Variants in DIAPH3 observed in about 807,000 individuals in gnomAD.
The protein encoded by DIAPH3 is protein diaphanous homolog 3.
In DIAPH3, 117 loss-of-function variants were observed where a neutral mutation model predicts 144.3. The ratio of observed to expected loss-of-function variants is 0.81; its 90% CI spans 0.70 to 0.95. The LOEUF (loss-of-function observed/expected upper bound fraction) is 0.95. Ranked by LOEUF, DIAPH3 falls within the 40% of genes least tolerant of loss-of-function variation. DIAPH3 has a pLI of 0.00. For synonymous variants in DIAPH3, 519 were observed against 488.9 expected (o/e 1.06, Z -0.81); for missense variants, 1,421 against 1,412.7 (o/e 1.01, Z -0.09).
intron 5 of DIAPH3, among the ~76,000 whole-genome samples, chr13:60,020,189 G>C (rs547059834): frequency 3.3e-5 from 5 of 152,206 alleles, no homozygotes; most frequent in Admixed American, 6.5e-5. Context: ...TTACATATAA[G>C]AGGTTATAGT....
chr13:59,897,708 A>C (rs1422252054), intron 20 of DIAPH3, among the ~76,000 whole-genome samples: 1 of 151,598 alleles, frequency 6.6e-6, no homozygotes, highest in East Asian at 2.0e-4. Context: ...AGATCACGCC[A>C]TTGCACTCCA....
intron 4 of DIAPH3, among the ~76,000 whole-genome samples, chr13:60,049,406 TC>T (rs1415976764): frequency 1.3e-5 from 2 of 152,162 alleles, no homozygotes; most frequent in Non-Finnish European, 1.5e-5. Flanking sequence ...TATTGAACTG[TC>T]CAACTTGAAC....
chr13:60,024,803 G>A (rs911077768), intron 5 of DIAPH3, among the ~76,000 whole-genome samples: 11 of 152,172 alleles, frequency 7.2e-5, no homozygotes, highest in Non-Finnish European at 1.6e-4. Context: ...ACTGCAAGGT[G>A]GAAACAGAAG....
chr13:59,980,660 T>G, intron 14 of DIAPH3, 135 bp downstream of exon 14: 1 of 770,162 alleles, frequency 1.3e-6, no homozygotes, highest in South Asian at 1.5e-5. Flanking sequence ...GTAGTCCTCC[T>G]TGGTGGAGGG....
chr13:59,676,505 C>T (rs560095588), intron 27 of DIAPH3, among the ~76,000 whole-genome samples: 7 of 152,328 alleles, frequency 4.6e-5, no homozygotes, highest in Middle Eastern at 3.4e-3. Flanking sequence ...GTTTCTTCAA[C>T]TGTTCCTTCA....
chr13:59,891,023 T>C lies in DIAPH3; in HGVS notation c.2368-11555A>G, dbSNP rs74732724. ...ACTTTAAGCCACAACTGCAACAAAATTGTCTAACTTCAGTGATTTAGTTCC... is the reference window on the plus strand; with the variant it reads ...ACTTTAAGCCACAACTGCAACAAAACTGTCTAACTTCAGTGATTTAGTTCC... On this transcript the variant is annotated intron_variant, in intron 20 of 27. Coordinates refer to ENST00000400324, the MANE Select transcript of DIAPH3 (RefSeq NM_001042517.2). 2.6e-5 allele frequency among the ~76,000 whole-genome samples: 4 copies of C among 152,104 alleles called. No homozygotes were observed. In the East Asian group the frequency reaches 7.7e-4, roughly 29 times the overall value.
intron 1 of DIAPH3, among the ~76,000 whole-genome samples, chr13:60,163,088 T>G (rs895389543): frequency 3.9e-5 from 6 of 152,318 alleles, no homozygotes; most frequent in Non-Finnish European, 7.3e-5. Flanking sequence ...TATTTAGAAT[T>G]CTTTCCAAGC....
chr13:60,033,631 C>T (rs2054974470), intron 5 of DIAPH3, among the ~76,000 whole-genome samples: 1 of 152,178 alleles, frequency 6.6e-6, no homozygotes, highest in South Asian at 2.1e-4. Context: ...ATTGCAAAGA[C>T]AGCACCAAGC....
At chr13:59,671,537 G>A (rs1457634) in intron 27 of DIAPH3, among the ~76,000 whole-genome samples, 28,436 of 151,970 alleles carry the variant, frequency 0.19, 3,567 homozygotes, top group African/African-American at 0.35. Flanking sequence ...ATCTCTATGT[G>A]CAATATATCT....
intron 17 of DIAPH3, among the ~76,000 whole-genome samples, chr13:59,965,665 G>A (rs1273062060): frequency 6.6e-6 from 1 of 151,922 alleles, no homozygotes. Context: ...ACCTTGTTAA[G>A]TCTTAACAGA....
chr13:59,917,481 C>T (rs1306098554), intron 18 of DIAPH3, among the ~76,000 whole-genome samples: 1 of 152,154 alleles, frequency 6.6e-6, no homozygotes, highest in African/African-American at 2.4e-5. Context: ...ATCACCAACA[C>T]ACACAGTTCT....
At chr13:59,669,910 G>T (rs911030453) in intron 27 of DIAPH3, among the ~76,000 whole-genome samples, 1 of 152,120 alleles carries the variant, frequency 6.6e-6, no homozygotes, top group Admixed American at 6.6e-5. Context: ...TTCTTGTCAA[G>T]GTCGCTAATG....
chr13:60,148,185 C>T (rs139445407), intron 1 of DIAPH3, among the ~76,000 whole-genome samples: 15 of 152,194 alleles, frequency 9.9e-5, no homozygotes, highest in African/African-American at 3.6e-4. Context: ...CAGATAAATT[C>T]GAGTTGAGAT....
intron 27 of DIAPH3, among the ~76,000 whole-genome samples, chr13:59,770,388 A>G (rs2038063655): frequency 6.6e-6 from 1 of 152,198 alleles, no homozygotes; most frequent in African/African-American, 2.4e-5. Flanking sequence ...TACAGCAGTC[A>G]ACAAGACAGA....
chr13:60,075,339 G>T (rs901998205), intron 4 of DIAPH3, among the ~76,000 whole-genome samples: 1 of 152,042 alleles, frequency 6.6e-6, no homozygotes, highest in African/African-American at 2.4e-5. Flanking sequence ...CATAGCAAAC[G>T]TTTTCTTCCA....
At chr13:59,844,474 A>G (rs1006889253) in intron 22 of DIAPH3, among the ~76,000 whole-genome samples, 4 of 149,652 alleles carry the variant, frequency 2.7e-5, no homozygotes, top group Non-Finnish European at 5.9e-5. Flanking sequence ...ACTGCACTCC[A>G]GCCTGGGTGA....
At chr13:59,891,554 GA>G (rs2045799225) in intron 20 of DIAPH3, among the ~76,000 whole-genome samples, 1 of 151,586 alleles carries the variant, frequency 6.6e-6, no homozygotes, top group Non-Finnish European at 1.5e-5. Flanking sequence ...TCCCATATAA[GA>G]AAAAGCAGAA....
intron 27 of DIAPH3, among the ~76,000 whole-genome samples, chr13:59,760,400 A>C (rs2037516572): frequency 6.6e-6 from 1 of 152,236 alleles, no homozygotes; most frequent in Non-Finnish European, 1.5e-5. Context: ...ATAAGATGTG[A>C]GTAATAAAAG....
chr13:59,899,048 G>A (rs1399390324), intron 20 of DIAPH3, among the ~76,000 whole-genome samples: 3 of 152,122 alleles, frequency 2.0e-5, no homozygotes, highest in Non-Finnish European at 2.9e-5. Context: ...TCCTGCCCTC[G>A]AACATCAGAC....
Sources: allele counts gnomAD v4.1 joint callset (sites outside exome capture counted in the v4.1 genomes callset), GRCh38; gene constraint gnomAD v4.1.1; transcripts MANE v1.5; gene names NCBI Gene and HGNC (gene_info 2026-07-23, HGNC 2026-07-21).